The following FGF20 variants were observed in gnomAD, a reference collection of about 807,000 sequenced individuals.
FGF20 encodes fibroblast growth factor 20.
FGF20 carries 8 observed loss-of-function variants against 16.7 expected under a neutral mutation model. The ratio of observed to expected loss-of-function variants is 0.48; its 90% CI spans 0.28 to 0.87. The LOEUF (loss-of-function observed/expected upper bound fraction) is 0.87, where lower values mean the gene tolerates loss of function less well. FGF20 is among the 40% of genes least tolerant of loss of function. The probability of loss-of-function intolerance (pLI) is 0.10; values close to 1 mark genes in which losing one functional copy is unlikely to be tolerated. For missense variants in FGF20, 397 were observed against 281.4 expected, an observed-to-expected ratio of 1.41 and a Z score of -2.94; for synonymous variants, 161 against 118.6, an observed-to-expected ratio of 1.36 and a Z score of -2.32.
In FGF20 at chr8:17,002,120, A is replaced by C. The variant is rs1367488746; in HGVS notation, c.-88T>G. ...AGGTGGATAGAGAAAAATTATAGCA[A>C]AACGAGCGCAAAAAGTTAAGGCCCG... On this transcript the variant is annotated 5_prime_UTR_variant, in exon 1 of 3. Coordinates refer to ENST00000180166, the MANE Select transcript of FGF20 (RefSeq NM_019851.3). 56 of 1,363,884 alleles carry C rather than the reference A, an allele frequency of 4.1e-5. No individual in the cohort carries two copies. The highest frequency in any genetic ancestry group is 5.3e-5 in the Non-Finnish European group (55 of 1,046,302). The allele number at this position is 1,363,884 out of a possible 1,614,324, so 84.5% of individuals were successfully genotyped here.
rs1471698032 is a variant in FGF20, at chr8:17,001,948, G to C, written c.85C>G (p.Pro29Ala). The C allele has an allele frequency of 1.3e-6, 2 of 1,500,196 alleles. No individual in the cohort carries two copies. Among genetic ancestry groups the C allele is most frequent in the Admixed American group, 2.3e-5 (1 of 42,920 alleles). 92.9% of individuals were successfully genotyped at this position (1,500,196 alleles called of 1,614,324 possible). The change falls in exon 1 of 3, where the codon CCT (proline) becomes GCT (alanine). Residue 29 changes from proline (P) to alanine (A), a missense_variant. Physicochemically the swap from Pro to Ala is conservative, Grantham distance 27. Transcript: ENST00000180166. Reference protein sequence around the residue: ...QQVGSHFLLPPAGERPPLLGE... With the variant: ...QQVGSHFLLPAAGERPPLLGE... ...AGCAGCGGCGGCCGCTCCCCGGCAG[G>C]AGGCAACAGGAAATGCGAACCCACC...
Position 16,995,714 on chromosome 8 carries a change from T to C in FGF20, c.331A>G (p.Arg111Gly). ...ISVAVGLVSI[R>G]GVDSGLYLGM... ...AGATAGAGACCACTGTCCACACCTC[T>C]AATACTGACCAGTCCCACTGCCACA... The change falls in exon 2 of 3, where the codon AGA (arginine) becomes GGA (glycine). Residue 111 changes from arginine to glycine, a missense_variant. Physicochemically the swap from Arg to Gly is moderately radical, Grantham distance 125 (BLOSUM62 -2). Coordinates refer to ENST00000180166, the MANE Select transcript of FGF20 (RefSeq NM_019851.3). 6.2e-7 allele frequency: 1 copy of C among 1,610,232 alleles called. No individual in the cohort carries two copies. Among genetic ancestry groups the C allele is most frequent in the Non-Finnish European group, 8.5e-7 (1 of 1,176,802 alleles).
intron 1 of FGF20, among the ~76,000 whole-genome samples, chr8:16,997,478 C>T (rs1810082532): frequency 6.6e-6 from 1 of 152,302 alleles, no homozygotes; most frequent in East Asian, 1.9e-4. Flanking sequence ...TGACTATTTG[C>T]TGATATGCTG....
At chr8:16,999,375 G>A (rs948023073) in intron 1 of FGF20, among the ~76,000 whole-genome samples, 75 of 152,128 alleles carry the variant, frequency 4.9e-4, no homozygotes, top group African/African-American at 1.7e-3. Flanking sequence ...AAGAAATGCC[G>A]TTAAATGCCA....
chr8:17,000,905 T>C (rs943246629), intron 1 of FGF20, among the ~76,000 whole-genome samples: 4 of 152,024 alleles, frequency 2.6e-5, no homozygotes, highest in Admixed American at 2.6e-4. Flanking sequence ...TTCCCACCCA[T>C]ATCTTCTTTC....
rs865776582 is a variant in FGF20 at position 16,993,075 on chromosome 8, A to G, written c.633T>C (p.Thr211=). 11 of 1,613,666 alleles carry G rather than the reference A, an allele frequency of 6.8e-6. No homozygotes were observed. In the Middle Eastern group the frequency reaches 1.3e-3, roughly 194 times the overall value. The change falls in exon 3 of 3, where the codon ACT becomes ACC. Residue 211 remains threonine (T), a synonymous_variant. Transcript: ENST00000180166. ...TCCATAATGTCACTATCGCACTTCA[A>G]GTGTACATCAGTAGGTCCTTGTACA... ...PELYKDLLMY[T]
chr8:16,998,241 A>G (rs1810101905), intron 1 of FGF20, among the ~76,000 whole-genome samples: 1 of 152,176 alleles, frequency 6.6e-6, no homozygotes, highest in South Asian at 2.1e-4. Context: ...GAATAATTAT[A>G]TGCAATAGTT....
chr8:17,002,266 T>A lies in FGF20; in HGVS notation c.-234A>T. ...GAGCCGGCTGCTGGCTCTGCAGAAA[T>A]ATCTATAGCTGCCGCTGCCAATACT... On this transcript the variant is annotated 5_prime_UTR_variant, in exon 1 of 3. Coordinates refer to ENST00000180166, the MANE Select transcript of FGF20 (RefSeq NM_019851.3). 1 of 450,910 alleles carries A rather than the reference T, an allele frequency of 2.2e-6. No individual in the cohort carries two copies. Among genetic ancestry groups the A allele is most frequent in the Non-Finnish European group, 3.8e-6 (1 of 262,006 alleles). 27.9% of individuals were successfully genotyped at this position (450,910 alleles called of 1,614,324 possible).
intron 1 of FGF20, among the ~76,000 whole-genome samples, chr8:16,999,685 C>A (rs1355661339): frequency 9.4e-6 from 1 of 106,030 alleles, no homozygotes; most frequent in African/African-American, 4.5e-5. Flanking sequence ...ACACGCCCAG[C>A]TAATTTTTTT....
intron 1 of FGF20, among the ~76,000 whole-genome samples, chr8:16,999,518 C>CTTTTT (rs370808443): frequency 2.9e-4 from 25 of 85,848 alleles, no homozygotes; most frequent in African/African-American, 6.0e-4. Context: ...TACAAGTTTC[C>CTTTTT]TTTTTTTTTT....
intron 1 of FGF20, among the ~76,000 whole-genome samples, chr8:17,000,380 T>A (rs1810153752): frequency 6.6e-6 from 1 of 152,060 alleles, no homozygotes; most frequent in Non-Finnish European, 1.5e-5. Flanking sequence ...AAATGCCCCC[T>A]TAAACTGAGA....
intron 1 of FGF20, among the ~76,000 whole-genome samples, chr8:17,001,396 G>C (rs937615961): frequency 6.6e-6 from 1 of 152,104 alleles, no homozygotes; most frequent in African/African-American, 2.4e-5. Context: ...AGCAGTGCGA[G>C]AACCGTGATG....
chr8:16,996,613 A>G (rs1585102153), intron 1 of FGF20, among the ~76,000 whole-genome samples: 1 of 152,202 alleles, frequency 6.6e-6, no homozygotes, highest in African/African-American at 2.4e-5. Context: ...TTTATCTACG[A>G]TAAATCAAGT....
chr8:16,992,319 T>C lies in FGF20; in HGVS notation c.*753A>G, dbSNP rs1389078010. Reference sequence around the variant, plus strand: ...AAAAAATATAATCTATACTATATTTTAAAAAGAAATTCAAAATCTGATTCT... The same window carrying C: ...AAAAAATATAATCTATACTATATTTCAAAAAGAAATTCAAAATCTGATTCT... On this transcript the variant is annotated 3_prime_UTR_variant, in exon 3 of 3. Coordinates refer to ENST00000180166, the MANE Select transcript of FGF20 (RefSeq NM_019851.3). 6.6e-6 allele frequency: 1 copy of C among 152,016 alleles called. No homozygotes were observed. 9.4% of individuals were successfully genotyped at this position (152,016 alleles called of 1,614,324 possible).
intron 2 of FGF20, among the ~76,000 whole-genome samples, chr8:16,993,714 G>T (rs1809974503): frequency 6.6e-6 from 1 of 152,092 alleles, no homozygotes; most frequent in South Asian, 2.1e-4. Flanking sequence ...GAATCAGTGG[G>T]AGCCCTGAGC....
chr8:16,993,204 T>C lies in FGF20; in HGVS notation c.504A>G (p.Ala168=). The part of the protein sequence containing the change: ...HGDTGRRYFV[A]LNKDGTPRDG... ...CTCTTGGAGTTCCGTCTTTGTTAAG[T>C]GCCACAAAATACCTGCGGCCAGTGT... The change falls in exon 3 of 3, where the codon GCA becomes GCG. Residue 168 remains alanine (A), a synonymous_variant. Transcript: ENST00000180166. The C allele has an allele frequency of 6.2e-7, 1 of 1,614,152 alleles. No individual in the cohort carries two copies.
At position 16,997,963 on chromosome 8, in the gene FGF20, G is replaced by C. The variant is rs138561476; in HGVS notation, c.287-2205C>G. On this transcript the variant is annotated intron_variant, in intron 1 of 2. Coordinates refer to ENST00000180166, the MANE Select transcript of FGF20 (RefSeq NM_019851.3). ...TGAAATGCAACTTAATTCCCTTTAA[G>C]TATCTGATTTACATTAAGATTCTCT... is the stretch of plus-strand genomic sequence containing the variant. Among the ~76,000 whole-genome samples the C allele has an allele frequency of 2.9e-3, 428 of 146,686 alleles. 1 individual carries two copies. Among genetic ancestry groups the C allele is most frequent in the African/African-American group, 9.8e-3 (403 of 41,256 alleles).
intron 1 of FGF20, 86 bp from the exon 2 acceptor site, chr8:16,995,844 G>A (rs1034932458): frequency 2.0e-5 from 14 of 709,746 alleles, no homozygotes; most frequent in South Asian, 4.3e-5. Flanking sequence ...AAATAGTAGC[G>A]GTAGTCGGCC....
chr8:16,998,317 C>T (rs1310323522), intron 1 of FGF20, among the ~76,000 whole-genome samples: 1 of 152,154 alleles, frequency 6.6e-6, no homozygotes, highest in Non-Finnish European at 1.5e-5. Flanking sequence ...TGCAATGGCT[C>T]ATGGGACTGA....
Sources: allele counts gnomAD v4.1 joint callset (sites outside exome capture counted in the v4.1 genomes callset), GRCh38; gene constraint gnomAD v4.1.1; transcripts MANE v1.5; gene names NCBI Gene and HGNC (gene_info 2026-07-23, HGNC 2026-07-21).